The following DGKB variants were observed in gnomAD, a reference collection of about 807,000 sequenced individuals.
DGKB encodes the protein diacylglycerol kinase beta, also known as 90 kDa diacylglycerol kinase.
DGKB carries 67 observed loss-of-function variants against 114.3 expected under a neutral mutation model. That is an observed-to-expected ratio of 0.59 (90% CI 0.48 to 0.72). DGKB has a LOEUF of 0.72. DGKB is among the 30% of genes least tolerant of loss of function. The pLI is 0.00. For missense variants in DGKB, 907 were observed against 975.2 expected (o/e 0.93, Z 0.93); for synonymous variants, 398 against 323.1 (o/e 1.23, Z -2.49).
At chr7:14,774,880 T>A (rs538247098) in intron 2 of DGKB, among the ~76,000 whole-genome samples, 2 of 152,334 alleles carry the variant, frequency 1.3e-5, no homozygotes, top group East Asian at 3.9e-4. Flanking sequence ...ATTGACATCA[T>A]ATTAAGTGGC....
intron 25 of DGKB, among the ~76,000 whole-genome samples, chr7:14,160,815 A>G (rs1426417274): frequency 6.6e-6 from 1 of 152,198 alleles, no homozygotes; most frequent in African/African-American, 2.4e-5. Flanking sequence ...AGCCAAGACA[A>G]TCCTAAGCAA....
At chr7:14,522,461 C>T (rs75025213) in intron 20 of DGKB, among the ~76,000 whole-genome samples, 2 of 152,274 alleles carry the variant, frequency 1.3e-5, no homozygotes, top group African/African-American at 2.4e-5. Flanking sequence ...AATGTGCACA[C>T]TCATACTAAC....
intron 23 of DGKB, among the ~76,000 whole-genome samples, chr7:14,260,969 G>A (rs1370174001): frequency 2.6e-5 from 4 of 152,026 alleles, no homozygotes; most frequent in Admixed American, 2.6e-4. Context: ...ACCAAAACAC[G>A]CCTGAGATTT....
At chr7:14,597,583 G>A (rs1802805194) in intron 17 of DGKB, among the ~76,000 whole-genome samples, 1 of 152,084 alleles carries the variant, frequency 6.6e-6, no homozygotes, top group Non-Finnish European at 1.5e-5. Flanking sequence ...ATTTCTATAT[G>A]CTGATAACCT....
chr7:14,760,112 T>C (rs1270912379), intron 2 of DGKB, among the ~76,000 whole-genome samples: 1 of 152,138 alleles, frequency 6.6e-6, no homozygotes, highest in African/African-American at 2.4e-5. Flanking sequence ...CGGTTTGTCT[T>C]TTTGTTGTGG....
intron 21 of DGKB, among the ~76,000 whole-genome samples, chr7:14,464,529 G>A (rs1439041857): frequency 6.6e-6 from 1 of 152,192 alleles, no homozygotes; most frequent in Admixed American, 6.5e-5. Context: ...CAGTAAGTAA[G>A]AAGAGTGCAT....
At chr7:14,802,811 G>T (rs1842341458) in intron 2 of DGKB, among the ~76,000 whole-genome samples, 1 of 152,024 alleles carries the variant, frequency 6.6e-6, no homozygotes, top group Non-Finnish European at 1.5e-5. Context: ...ATTCCTGAAA[G>T]TAAAGTGTCT....
chr7:14,376,971 C>A (rs1402769111), intron 21 of DGKB, among the ~76,000 whole-genome samples: 4 of 152,150 alleles, frequency 2.6e-5, no homozygotes, highest in Admixed American at 2.0e-4. Flanking sequence ...TACTGCAAGG[C>A]CACATTGTGG....
At position 14,662,086 on chromosome 7, in the gene DGKB, G is replaced by T. The variant is rs966681667; in HGVS notation, c.1134+10843C>A. The stretch of plus-strand genomic sequence containing the variant: ...GGGGTTAGGGGAGAGGGATATCAAT[G>T]GGAGATATACCTAATGCTAGATGAC... On this transcript the variant is annotated intron_variant, in intron 13 of 25. Transcript: ENST00000402815. 9.2e-5 allele frequency among the ~76,000 whole-genome samples: 14 copies of T among 152,082 alleles called. 1 individual carries two copies. The highest frequency in any genetic ancestry group is 8.5e-4 in the Admixed American group (13 of 15,242).
intron 18 of DGKB, among the ~76,000 whole-genome samples, chr7:14,581,924 T>G (rs1799990108): frequency 6.6e-6 from 1 of 152,248 alleles, no homozygotes; most frequent in South Asian, 2.1e-4. Flanking sequence ...TGATTTACAT[T>G]GTTTAATGGA....
chr7:14,635,957 T>C (rs959333912), intron 13 of DGKB, among the ~76,000 whole-genome samples: 6 of 151,646 alleles, frequency 4.0e-5, no homozygotes, highest in Admixed American at 6.6e-5. Context: ...TGAAAGTATA[T>C]TGATAATAAT....
intron 17 of DGKB, among the ~76,000 whole-genome samples, chr7:14,585,946 T>A (rs1016993124): frequency 1.2e-4 from 19 of 152,168 alleles, no homozygotes; most frequent in African/African-American, 4.3e-4. Flanking sequence ...GCGGTTCTCC[T>A]GTCTCTCTTT....
chr7:14,481,304 T>C (rs1278225838), intron 20 of DGKB, among the ~76,000 whole-genome samples: 7 of 152,014 alleles, frequency 4.6e-5, no homozygotes, highest in Non-Finnish European at 8.8e-5. Flanking sequence ...TTGCATTTTA[T>C]GATATTAATT....
At chr7:14,756,421 AT>A (rs1404607703) in intron 3 of DGKB, among the ~76,000 whole-genome samples, 3 of 151,212 alleles carry the variant, frequency 2.0e-5, no homozygotes, top group Non-Finnish European at 4.4e-5. Flanking sequence ...TCAAACATCT[AT>A]TTTTTTTCTA....
intron 21 of DGKB, among the ~76,000 whole-genome samples, chr7:14,358,848 A>G (rs1017168388): frequency 2.0e-5 from 3 of 151,938 alleles, no homozygotes; most frequent in African/African-American, 7.2e-5. Flanking sequence ...GGATAAGAAG[A>G]ATCGTGAAAA....
intron 17 of DGKB, among the ~76,000 whole-genome samples, chr7:14,583,470 C>A (rs1184046772): frequency 1.3e-5 from 2 of 151,804 alleles, no homozygotes; most frequent in Admixed American, 6.6e-5. Flanking sequence ...TTCGCATAAC[C>A]CAGAATGACA....
At chr7:14,282,821 G>T (rs563938753) in intron 23 of DGKB, among the ~76,000 whole-genome samples, 7 of 152,116 alleles carry the variant, frequency 4.6e-5, no homozygotes, top group Non-Finnish European at 5.9e-5. Flanking sequence ...AACCTTTCAT[G>T]CTAAAAACGC....
intron 17 of DGKB, among the ~76,000 whole-genome samples, chr7:14,602,743 T>C (rs1234562007): frequency 6.6e-6 from 1 of 152,148 alleles, no homozygotes; most frequent in Non-Finnish European, 1.5e-5. Context: ...ATTTATGTTG[T>C]TTGTAATTAG....
In DGKB at chr7:14,856,987, T is replaced by G. The variant is rs541150875; in HGVS notation, c.-187-15537A>C. ...CATGTGGGTAAAACCTGAAACATGT[T>G]CCTGACCAATAGAACATGGCAACAT... On this transcript the variant is annotated intron_variant, in intron 1 of 25. Coordinates refer to ENST00000402815, the MANE Select transcript of DGKB (RefSeq NM_001350709.2). Among the ~76,000 whole-genome samples the G allele has an allele frequency of 9.9e-5, 15 of 152,222 alleles. No homozygotes were observed. In the South Asian group the frequency reaches 3.1e-3, roughly 32 times the overall value.
Sources: allele counts gnomAD v4.1 joint callset (sites outside exome capture counted in the v4.1 genomes callset), GRCh38; gene constraint gnomAD v4.1.1; transcripts MANE v1.5; gene names NCBI Gene and HGNC (gene_info 2026-07-23, HGNC 2026-07-21).